The following SLC24A2 variants were observed in gnomAD, a reference collection of about 807,000 sequenced individuals.
The protein encoded by SLC24A2 is solute carrier family 24 member 2, also known as sodium/potassium/calcium exchanger 2.
In SLC24A2, 36 loss-of-function variants were observed where a neutral mutation model predicts 62.0. The ratio of observed to expected loss-of-function variants is 0.58; its 90% CI spans 0.44 to 0.77. The LOEUF is 0.77. Among genes scored for constraint, SLC24A2 ranks in the 30% least tolerant of loss-of-function variants. The pLI is 0.00. For missense variants in SLC24A2, 846 were observed against 817.9 expected (o/e 1.03, Z -0.42); for synonymous variants, 358 against 294.0 (o/e 1.22, Z -2.23).
At chr9:20,211,864 T>C in the SLC24A2 span, among the ~76,000 whole-genome samples, 1 of 152,234 alleles carries the variant, frequency 6.6e-6, no homozygotes, top group Non-Finnish European at 1.5e-5. Flanking sequence ...AAAGAGGTAT[T>C]GGTCAAAGAA....
chr9:19,641,620 T>C (rs1466265571), intron 2 of SLC24A2, among the ~76,000 whole-genome samples: 1 of 151,918 alleles, frequency 6.6e-6, no homozygotes, highest in Admixed American at 6.6e-5. Context: ...GTTCAAGCGA[T>C]TCTCCTGCCT....
chr9:20,281,136 C>T, the SLC24A2 span, among the ~76,000 whole-genome samples: 1 of 152,070 alleles, frequency 6.6e-6, no homozygotes, highest in African/African-American at 2.4e-5. Flanking sequence ...CACCATCTTG[C>T]ACAAGCAGTT....
chr9:19,908,035 TA>T, the SLC24A2 span, among the ~76,000 whole-genome samples: 78 of 152,314 alleles, frequency 5.1e-4, no homozygotes, highest in African/African-American at 1.8e-3. Flanking sequence ...AAGTCAATCC[TA>T]AGCCAAAAGA....
chr9:20,302,989 T>C, the SLC24A2 span, among the ~76,000 whole-genome samples: 1 of 152,212 alleles, frequency 6.6e-6, no homozygotes, highest in African/African-American at 2.4e-5. Context: ...CTCAATCTTG[T>C]TAGAGTATCT....
chr9:19,548,007 A>T (rs750292988), intron 8 of SLC24A2, among the ~76,000 whole-genome samples: 10 of 151,584 alleles, frequency 6.6e-5, no homozygotes, highest in Middle Eastern at 3.2e-3. Flanking sequence ...AAACTTAAAT[A>T]TTGCTTTAAG....
At chr9:19,626,569 G>A (rs1274098483) in intron 2 of SLC24A2, among the ~76,000 whole-genome samples, 2 of 152,160 alleles carry the variant, frequency 1.3e-5, no homozygotes, top group Non-Finnish European at 2.9e-5. Flanking sequence ...CAAGGACCTG[G>A]AAGCATTATA....
At chr9:20,210,430 G>A in the SLC24A2 span, among the ~76,000 whole-genome samples, 3 of 152,032 alleles carry the variant, frequency 2.0e-5, no homozygotes, top group Non-Finnish European at 2.9e-5. Context: ...CATTTAAAGG[G>A]AGAAGAAAAG....
the SLC24A2 span, among the ~76,000 whole-genome samples, chr9:20,147,504 T>A: frequency 6.6e-6 from 1 of 152,256 alleles, no homozygotes; most frequent in East Asian, 1.9e-4. Flanking sequence ...AAATAAAAAT[T>A]GGGCCAAAGC....
At chr9:19,911,006 T>C in the SLC24A2 span, among the ~76,000 whole-genome samples, 1 of 151,464 alleles carries the variant, frequency 6.6e-6, no homozygotes, top group East Asian at 2.0e-4. Context: ...CATGCTGGTG[T>C]GCTGCACCCA....
At chr9:19,885,225 C>T in the SLC24A2 span, among the ~76,000 whole-genome samples, 3 of 152,210 alleles carry the variant, frequency 2.0e-5, no homozygotes, top group Non-Finnish European at 4.4e-5. Context: ...CCTGACCCAT[C>T]ACTGTGGCCA....
chr9:19,676,931 C>G (rs1425918502), intron 2 of SLC24A2, among the ~76,000 whole-genome samples: 1 of 152,150 alleles, frequency 6.6e-6, no homozygotes, highest in East Asian at 1.9e-4. Context: ...TAAAAAATAA[C>G]AGACACTAGT....
At position 19,786,041 on chromosome 9, in the gene SLC24A2, A is replaced by T; in HGVS notation, c.826T>A (p.Tyr276Asn). 6.2e-7 allele frequency: 1 copy of T among 1,614,168 alleles called. No individual in the cohort carries two copies. The highest frequency in any genetic ancestry group is 8.5e-7 in the Non-Finnish European group (1 of 1,180,002). The change falls in exon 2 of 11, where the codon TAT becomes AAT. Residue 276 changes from tyrosine (Y) to asparagine (N), a missense_variant. Transcript: ENST00000341998. This position sits in a 1 kb window ranked among gnomAD's most constrained non-coding sequence, Gnocchi z 5.0. ...ACGTTGAATTTCATGAAAACCACAT[A>T]GCAAAAATAAGCTGTTAAGAGAAGC... ...SLLLLTAYFC[Y>N]VVFMKFNVQV...
At chr9:20,000,917 T>C in the SLC24A2 span, among the ~76,000 whole-genome samples, 3 of 152,104 alleles carry the variant, frequency 2.0e-5, no homozygotes, top group African/African-American at 7.2e-5. Context: ...GAAGCATAAC[T>C]TGGAATTATT....
chr9:19,779,142 C>G (rs912456104), intron 2 of SLC24A2, among the ~76,000 whole-genome samples: 1 of 152,048 alleles, frequency 6.6e-6, no homozygotes, highest in Admixed American at 6.5e-5. Flanking sequence ...AGTGAAAACA[C>G]GTGGAAGGTA....
chr9:20,081,032 A>G, the SLC24A2 span, among the ~76,000 whole-genome samples: 2 of 152,224 alleles, frequency 1.3e-5, no homozygotes, highest in East Asian at 1.9e-4. Context: ...TGTTGGTGGG[A>G]CTGTAAACTA....
At chr9:19,551,726 A>G (rs1389427872) in intron 7 of SLC24A2, among the ~76,000 whole-genome samples, 25 of 152,192 alleles carry the variant, frequency 1.6e-4, no homozygotes, top group Admixed American at 1.6e-3. Flanking sequence ...GGGCAGGCTC[A>G]GGTCAGCTGG....
chr9:19,916,637 G>T, the SLC24A2 span, among the ~76,000 whole-genome samples: 13 of 151,902 alleles, frequency 8.6e-5, no homozygotes, highest in South Asian at 2.7e-3. Flanking sequence ...TTTCCACTTA[G>T]CATTATATTG....
chr9:20,087,627 C>G, the SLC24A2 span, among the ~76,000 whole-genome samples: 1 of 152,292 alleles, frequency 6.6e-6, no homozygotes, highest in Admixed American at 6.5e-5. Context: ...TTTGGATGTT[C>G]TAGAGCTGGC....
the SLC24A2 span, among the ~76,000 whole-genome samples, chr9:20,230,054 G>C: frequency 6.6e-6 from 1 of 152,102 alleles, no homozygotes; most frequent in Non-Finnish European, 1.5e-5. Flanking sequence ...CCCTACAAAG[G>C]ACATGAACTC....
Sources: allele counts gnomAD v4.1 joint callset (sites outside exome capture counted in the v4.1 genomes callset), GRCh38; gene constraint gnomAD v4.1.1; non-coding constraint Gnocchi (gnomAD v3.1); transcripts MANE v1.5; gene names NCBI Gene and HGNC (gene_info 2026-07-23, HGNC 2026-07-21).